Variants in SHROOM3 observed in about 807,000 individuals in gnomAD.
SHROOM3 encodes protein Shroom3.
Under a neutral mutation model 138.6 loss-of-function variants are expected in SHROOM3, and 47 were observed. The observed-to-expected ratio is 0.34, with a 90% confidence interval of 0.27 to 0.43. The LOEUF is 0.43. SHROOM3 is among the 20% of genes least tolerant of loss of function. SHROOM3 has a pLI of 1.00. For missense variants in SHROOM3, 2,491 were observed against 2,596.5 expected, an observed-to-expected ratio of 0.96 and a Z score of 0.88; for synonymous variants, 1,062 against 1,063.3, an observed-to-expected ratio of 1.00 and a Z score of 0.02.
chr4:76,624,366 C>T (rs1735076714), intron 2 of SHROOM3, among the ~76,000 whole-genome samples: 1 of 152,114 alleles, frequency 6.6e-6, no homozygotes, highest in African/African-American at 2.4e-5. Flanking sequence ...CTGTTGTCTA[C>T]AAAAGACAGT....
intron 3 of SHROOM3, among the ~76,000 whole-genome samples, chr4:76,730,329 C>G (rs1352478849): frequency 6.6e-6 from 1 of 152,142 alleles, no homozygotes; most frequent in Non-Finnish European, 1.5e-5. Flanking sequence ...TATCATTTAC[C>G]CAGCAACAGG....
chr4:76,741,770 C>T lies in SHROOM3; in HGVS notation c.3597C>T (p.Thr1199=). Residue 1199 remains threonine, a synonymous_variant, in exon 5 of 11, where the codon ACC becomes ACT. Coordinates refer to ENST00000296043, the MANE Select transcript of SHROOM3 (RefSeq NM_020859.4). This position sits in a 1 kb window ranked among gnomAD's most constrained non-coding sequence, Gnocchi z 6.2. Reference sequence around the variant, plus strand: ...GAGCAAACGGTGGAACAAGGGGCACCCAGAGAGGGGATGAGACCCCCAGGG... The same window carrying T: ...GAGCAAACGGTGGAACAAGGGGCACTCAGAGAGGGGATGAGACCCCCAGGG... ...LSGANGGTRG[T]QRGDETPREP... is the part of the protein sequence containing the mutation. 1 of 1,572,040 alleles carries T rather than the reference C, an allele frequency of 6.4e-7. No individual in the cohort carries two copies. Among genetic ancestry groups the T allele is most frequent in the South Asian group, 1.2e-5 (1 of 85,864 alleles).
At chr4:76,742,920 T>C (rs1307875133) in intron 5 of SHROOM3, among the ~76,000 whole-genome samples, 4 of 147,158 alleles carry the variant, frequency 2.7e-5, no homozygotes, top group Admixed American at 1.3e-4. Context: ...ATGTGTTGTA[T>C]GAAAAATGCT....
intron 2 of SHROOM3, among the ~76,000 whole-genome samples, chr4:76,699,927 T>C (rs1168896833): frequency 6.6e-6 from 1 of 152,106 alleles, no homozygotes; most frequent in East Asian, 1.9e-4. Context: ...TATATTCACA[T>C]TGATGTAGTC....
intron 1 of SHROOM3, among the ~76,000 whole-genome samples, chr4:76,525,662 GT>G (rs950325485): frequency 2.7e-4 from 41 of 152,004 alleles, no homozygotes; most frequent in African/African-American, 9.7e-4. Context: ...AAATTAGATT[GT>G]TTTTTTCTTA....
At chr4:76,438,774 T>C (rs1730611589) in intron 1 of SHROOM3, among the ~76,000 whole-genome samples, 1 of 152,002 alleles carries the variant, frequency 6.6e-6, no homozygotes, top group African/African-American at 2.4e-5. Flanking sequence ...CTATCACATC[T>C]AAATCAGAGC....
chr4:76,725,000 C>T (rs553172130), intron 3 of SHROOM3, among the ~76,000 whole-genome samples: 6 of 152,260 alleles, frequency 3.9e-5, no homozygotes, highest in Middle Eastern at 3.4e-3. Context: ...CCTATCTGTA[C>T]GGTATGGAAG....
At chr4:76,471,662 G>C (rs1022845784) in intron 1 of SHROOM3, among the ~76,000 whole-genome samples, 10 of 152,146 alleles carry the variant, frequency 6.6e-5, no homozygotes, top group African/African-American at 2.4e-4. Flanking sequence ...TGACATCCCA[G>C]TCAGAAAGTG....
chr4:76,766,760 A>G (rs895486180), intron 9 of SHROOM3, among the ~76,000 whole-genome samples: 2 of 152,118 alleles, frequency 1.3e-5, no homozygotes, highest in African/African-American at 4.8e-5. Context: ...TCAAATTATC[A>G]TATTTTAAGG....
intron 2 of SHROOM3, among the ~76,000 whole-genome samples, chr4:76,630,619 T>A (rs1459121803): frequency 1.3e-5 from 2 of 152,140 alleles, no homozygotes; most frequent in Non-Finnish European, 2.9e-5. Flanking sequence ...GAAATCATTT[T>A]TTTTCCATTC....
intron 1 of SHROOM3, among the ~76,000 whole-genome samples, chr4:76,513,128 C>T (rs192334742): frequency 4.5e-4 from 68 of 152,276 alleles, no homozygotes; most frequent in Admixed American, 9.8e-4. Flanking sequence ...TCCTTCCTTT[C>T]CTTTGACTTC....
intron 2 of SHROOM3, among the ~76,000 whole-genome samples, chr4:76,571,903 C>T (rs140267104): frequency 1.5e-3 from 230 of 152,144 alleles, no homozygotes; most frequent in Middle Eastern, 0.01. Context: ...ATGGGCTGTA[C>T]GTGGGTCAAA....
intron 1 of SHROOM3, among the ~76,000 whole-genome samples, chr4:76,540,065 C>T (rs549517854): frequency 2.0e-5 from 3 of 152,326 alleles, no homozygotes; most frequent in East Asian, 3.9e-4. Flanking sequence ...CCTGGCTGGT[C>T]TTGAACTCCT....
At chr4:76,488,133 T>A (rs1467317310) in intron 1 of SHROOM3, among the ~76,000 whole-genome samples, 1 of 152,058 alleles carries the variant, frequency 6.6e-6, no homozygotes, top group Non-Finnish European at 1.5e-5. Flanking sequence ...ATAAAAAGAG[T>A]GTATAGTATT....
intron 1 of SHROOM3, among the ~76,000 whole-genome samples, chr4:76,468,757 C>T (rs1039385359): frequency 3.9e-5 from 6 of 152,090 alleles, no homozygotes; most frequent in Admixed American, 1.3e-4. Flanking sequence ...TGGCCTGGCG[C>T]GGTAGCTCAC....
Position 76,647,918 on chromosome 4 carries a change from GA to G in SHROOM3, c.324-62231del, listed in dbSNP as rs199827912. 7.3e-3 allele frequency among the ~76,000 whole-genome samples: 1,112 copies of G among 151,968 alleles called. 10 individuals carry two copies. Among genetic ancestry groups the G allele is most frequent in the African/African-American group, 0.025 (1,037 of 41,490 alleles). ...TGTCTCAAATAATAATAATAATACA[GA>G]AAAAAACTATGGACCTAGATATTTT... On this transcript the variant is annotated intron_variant, in intron 2 of 10. Coordinates refer to ENST00000296043, the MANE Select transcript of SHROOM3 (RefSeq NM_020859.4).
intron 2 of SHROOM3, among the ~76,000 whole-genome samples, chr4:76,613,274 G>C (rs1734801645): frequency 6.6e-6 from 1 of 152,106 alleles, no homozygotes; most frequent in Non-Finnish European, 1.5e-5. Context: ...GGACAAGTCA[G>C]TTCATTTCTT....
At chr4:76,622,238 T>C (rs1735022753) in intron 2 of SHROOM3, among the ~76,000 whole-genome samples, 1 of 152,160 alleles carries the variant, frequency 6.6e-6, no homozygotes, top group African/African-American at 2.4e-5. Context: ...GCACTTTTTC[T>C]TTGTGAATTT....
intron 2 of SHROOM3, among the ~76,000 whole-genome samples, chr4:76,646,121 A>G (rs1185029130): frequency 1.3e-5 from 2 of 151,454 alleles, no homozygotes; most frequent in Non-Finnish European, 2.9e-5. Flanking sequence ...CCTAATGTAA[A>G]CGATGAGTTA....
Sources: allele counts gnomAD v4.1 joint callset (sites outside exome capture counted in the v4.1 genomes callset), GRCh38; gene constraint gnomAD v4.1.1; non-coding constraint Gnocchi (gnomAD v3.1); transcripts MANE v1.5; gene names NCBI Gene and HGNC (gene_info 2026-07-23, HGNC 2026-07-21).